Variants in WDFY4 observed in about 807,000 individuals in gnomAD.
WDFY4 encodes WD repeat- and FYVE domain-containing protein 4.
WDFY4 carries 169 observed loss-of-function variants against 351.9 expected under a neutral mutation model. The observed-to-expected ratio is 0.48, with a 90% CI of 0.42 to 0.55. The LOEUF is 0.55. Ranked by LOEUF, WDFY4 falls within the 20% of genes least tolerant of loss-of-function variation. The probability of loss-of-function intolerance (pLI) is 0.00; values close to 1 mark genes in which losing one functional copy is unlikely to be tolerated. For synonymous variants in WDFY4, 1,622 were observed against 1,574.6 expected (o/e 1.03, Z -0.71); for missense variants, 3,803 against 3,935.6 (o/e 0.97, Z 0.90).
chr10:48,716,057 T>A (rs917465880), intron 2 of WDFY4, among the ~76,000 whole-genome samples: 2 of 152,168 alleles, frequency 1.3e-5, no homozygotes, highest in African/African-American at 4.8e-5. Context: ...TGCAACATGG[T>A]TTATTCCCAT....
chr10:48,896,451 A>G (rs1329078244), intron 44 of WDFY4, among the ~76,000 whole-genome samples: 2 of 152,154 alleles, frequency 1.3e-5, no homozygotes, highest in African/African-American at 2.4e-5. Flanking sequence ...AGACAGGCCA[A>G]GGGTCCTGAA....
Position 48,792,454 on chromosome 10 carries a change from A to G in WDFY4, c.4257+1537A>G, listed in dbSNP as rs1215162749. Reference sequence around the variant, plus strand: ...CTGACACCATGAAGACACTCAGTACATGTTTTGGGAATGAGTAAATGGGTA... The same window carrying G: ...CTGACACCATGAAGACACTCAGTACGTGTTTTGGGAATGAGTAAATGGGTA... On this transcript the variant is annotated intron_variant, in intron 23 of 61. Transcript: ENST00000325239. 3.9e-5 allele frequency among the ~76,000 whole-genome samples: 6 copies of G among 152,162 alleles called. No individual in the cohort carries two copies. In the East Asian group the frequency reaches 5.8e-4, roughly 15 times the overall value.
At chr10:48,693,109 T>C (rs1184051082) in intron 1 of WDFY4, among the ~76,000 whole-genome samples, 1 of 152,148 alleles carries the variant, frequency 6.6e-6, no homozygotes, top group Non-Finnish European at 1.5e-5. Context: ...TTAACCCCAC[T>C]GAGGGTGCAG....
At chr10:48,774,280 G>A (rs2663063) in intron 13 of WDFY4, among the ~76,000 whole-genome samples, 178 bp from the exon 14 acceptor site, 38 of 126,484 alleles carry the variant, frequency 3.0e-4, no homozygotes, top group Admixed American at 4.3e-4. Context: ...CTTGCCCCCC[G>A]CCAGGTGAGG....
At chr10:48,842,471 C>T (rs917284550) in intron 39 of WDFY4, among the ~76,000 whole-genome samples, 3 of 152,106 alleles carry the variant, frequency 2.0e-5, no homozygotes, top group African/African-American at 4.8e-5. Context: ...TGGTGCGGTC[C>T]GCGGCTGCCC....
At chr10:48,773,585 A>G (rs1304917260) in intron 13 of WDFY4, among the ~76,000 whole-genome samples, 1 of 152,252 alleles carries the variant, frequency 6.6e-6, no homozygotes, top group East Asian at 1.9e-4. Flanking sequence ...CAAAGGACAT[A>G]AGCAGAGGGA....
rs371491896 is a variant in WDFY4 at position 48,797,806 on chromosome 10, A to G, written c.4410+1356A>G. ...AATTATCAAAATTAATAATGAGAAT[A>G]AAGGCATTATGAACAATTTTTAGAT... On this transcript the variant is annotated intron_variant, in intron 24 of 61. Transcript: ENST00000325239. Among the ~76,000 whole-genome samples the G allele has an allele frequency of 1.2e-4, 18 of 152,274 alleles. 1 individual carries two copies. In the East Asian group the frequency reaches 1.7e-3, roughly 15 times the overall value.
chr10:48,899,854 C>G (rs1837268378), intron 45 of WDFY4, among the ~76,000 whole-genome samples: 1 of 152,110 alleles, frequency 6.6e-6, no homozygotes. Context: ...ACTAGATTCC[C>G]TAGTTCAGTT....
At chr10:48,690,972 C>A (rs945117424) in intron 1 of WDFY4, among the ~76,000 whole-genome samples, 7 of 152,198 alleles carry the variant, frequency 4.6e-5, no homozygotes, top group Admixed American at 6.5e-5. Context: ...GGCCCTCCCC[C>A]ACTCCACCCA....
At chr10:48,819,554 C>T (rs1287422451) in intron 32 of WDFY4, among the ~76,000 whole-genome samples, 1 of 152,160 alleles carries the variant, frequency 6.6e-6, no homozygotes, top group African/African-American at 2.4e-5. Flanking sequence ...GCCGCGTGTC[C>T]TTGGGTGAGT....
At position 48,711,716 on chromosome 10, in the gene WDFY4, C is replaced by T. The variant is rs116163595; in HGVS notation, c.234+1750C>T. Among the ~76,000 whole-genome samples the T allele has an allele frequency of 4.8e-3, 737 of 152,346 alleles. 6 individuals carry two copies. Among genetic ancestry groups the T allele is most frequent in the African/African-American group, 0.017 (707 of 41,580 alleles). ...AGGAGTAAAGAAGACAGAGGTGACA[C>T]ACCACCCTCATGGTGAGTGTGGCCC... On this transcript the variant is annotated intron_variant, in intron 2 of 61. Coordinates refer to ENST00000325239, the MANE Select transcript of WDFY4 (RefSeq NM_001394531.1).
At position 48,786,885 on chromosome 10, in the gene WDFY4, G is replaced by A. The variant is rs2066421514; in HGVS notation, c.3808+15G>A. ...GCATGTCCAAGGTATGGAGTGTTTT[G>A]ATTTACAATGTTCTTGCTGATATTA... is the stretch of plus-strand genomic sequence containing the variant. On this transcript the variant is annotated intron_variant, in intron 20 of 61. Coordinates refer to ENST00000325239, the MANE Select transcript of WDFY4 (RefSeq NM_001394531.1). The A allele has an allele frequency of 3.2e-6, 5 of 1,544,986 alleles. No individual in the cohort carries two copies. In the East Asian group the frequency reaches 1.2e-4, roughly 38 times the overall value.
In WDFY4 at chr10:48,887,501, A is replaced by G. The variant is rs573673597; in HGVS notation, c.7168-3078A>G. ...CTTATAGAAATTTATGCTTCAGGCC[A>G]GGCGCGGTGGCTCACGCCCGTAATC... On this transcript the variant is annotated intron_variant, in intron 43 of 61. Coordinates refer to ENST00000325239, the MANE Select transcript of WDFY4 (RefSeq NM_001394531.1). Among the ~76,000 whole-genome samples the G allele has an allele frequency of 1.4e-3, 213 of 152,336 alleles. 1 individual carries two copies. Among genetic ancestry groups the G allele is most frequent in the Admixed American group, 4.7e-3 (72 of 15,298 alleles).
At chr10:48,822,341 A>G (rs1209814993) in intron 34 of WDFY4, 39 bp from the exon 35 acceptor site, 1 of 1,495,882 alleles carries the variant, frequency 6.7e-7, no homozygotes, top group East Asian at 2.5e-5. Flanking sequence ...ACAGAAGTCC[A>G]TTTAGACTCT....
In WDFY4 at chr10:48,903,231, G is replaced by C. The variant is rs148824895; in HGVS notation, c.7586+1368G>C. The stretch of plus-strand genomic sequence containing the variant: ...AGTGCAGGGAGTTAGTTGGGGTGGA[G>C]GTGAGGGAGGTCACAGGGGATAGTT... On this transcript the variant is annotated intron_variant, in intron 47 of 61. Transcript: ENST00000325239. 3.3e-5 allele frequency among the ~76,000 whole-genome samples: 5 copies of C among 152,302 alleles called. No homozygotes were observed. The East Asian group carries it at 9.6e-4, about 29-fold the overall frequency.
intron 31 of WDFY4, among the ~76,000 whole-genome samples, chr10:48,815,920 T>G (rs1188491935): frequency 6.6e-6 from 1 of 152,200 alleles, no homozygotes; most frequent in Non-Finnish European, 1.5e-5. Flanking sequence ...TTTCAGGTTT[T>G]GACATCAGTA....
chr10:48,871,624 C>T (rs967659638), intron 40 of WDFY4, among the ~76,000 whole-genome samples: 1 of 152,128 alleles, frequency 6.6e-6, no homozygotes, highest in Non-Finnish European at 1.5e-5. Flanking sequence ...TACAGTCATG[C>T]ACTAACATGC....
intron 39 of WDFY4, among the ~76,000 whole-genome samples, chr10:48,859,038 G>T (rs184512392): frequency 2.0e-5 from 3 of 152,188 alleles, no homozygotes; most frequent in Admixed American, 1.3e-4. Context: ...TATTATGTGT[G>T]TGTTGATCTT....
intron 39 of WDFY4, among the ~76,000 whole-genome samples, chr10:48,865,610 T>A (rs1489368718): frequency 6.6e-6 from 1 of 152,364 alleles, no homozygotes; most frequent in East Asian, 1.9e-4. Flanking sequence ...GCTCTTCTAA[T>A]TCTTGGAAGA....
Sources: allele counts gnomAD v4.1 joint callset (sites outside exome capture counted in the v4.1 genomes callset), GRCh38; gene constraint gnomAD v4.1.1; transcripts MANE v1.5; gene names NCBI Gene and HGNC (gene_info 2026-07-23, HGNC 2026-07-21).